GTF2F2: variants seen among roughly 807,000 people sequenced by gnomAD.
GTF2F2 encodes general transcription factor IIF subunit 2, also known as ATP-dependent helicase GTF2F2.
A neutral mutation model predicts 42.2 loss-of-function variants in GTF2F2; 23 were observed. The ratio of observed to expected loss-of-function variants is 0.55; its 90% CI spans 0.39 to 0.77. GTF2F2 has a LOEUF of 0.77. Among genes scored for constraint, GTF2F2 ranks in the 30% least tolerant of loss-of-function variants. GTF2F2 has a pLI of 0.00. For synonymous variants in GTF2F2, 105 were observed against 100.8 expected, an observed-to-expected ratio of 1.04 and a Z score of -0.25; for missense variants, 261 against 287.2, an observed-to-expected ratio of 0.91 and a Z score of 0.66.
At chr13:45,161,674 C>T (rs1593463134) in intron 4 of GTF2F2, among the ~76,000 whole-genome samples, 3 of 151,992 alleles carry the variant, frequency 2.0e-5, no homozygotes. Flanking sequence ...AAACGCCGTC[C>T]CTACCAAAAA....
chr13:45,153,438 A>C (rs1008109911), intron 4 of GTF2F2, among the ~76,000 whole-genome samples: 1 of 152,182 alleles, frequency 6.6e-6, no homozygotes, highest in African/African-American at 2.4e-5. Flanking sequence ...TCAGTTATGT[A>C]GTTGAAGGTA....
chr13:45,199,141 G>T (rs886653653), intron 4 of GTF2F2, among the ~76,000 whole-genome samples: 1 of 152,168 alleles, frequency 6.6e-6, no homozygotes, highest in Admixed American at 6.5e-5. Flanking sequence ...GTAACCTCTG[G>T]CCACAAGGTC....
intron 5 of GTF2F2, among the ~76,000 whole-genome samples, chr13:45,228,281 A>ATATTTTTTTTTTTTTTTTTTTTTTTTTTT (rs1874467229): frequency 1.2e-5 from 1 of 85,684 alleles, no homozygotes; most frequent in Non-Finnish European, 2.1e-5. Context: ...GCCAGAGTTA[A>ATATTTTTTTTTTTTTTTTTTTTTTTTTTT]TCTTTTTTTT....
chr13:45,247,029 ACT>A lies in GTF2F2; in HGVS notation c.387-5839_387-5838del, dbSNP rs111536000. On this transcript the variant is annotated intron_variant, in intron 5 of 7. Transcript: ENST00000340473. ...ACTCCAGCCTGGGCGACAGATCAAG[ACT>A]CTGTCTCAAAAAAAAAAAAAAAAAG... Among the ~76,000 whole-genome samples, 582 of 120,038 alleles carry A rather than the reference ACT, an allele frequency of 4.8e-3. 8 individuals are homozygous for A. Among genetic ancestry groups the A allele is most frequent in the African/African-American group, 0.018 (552 of 30,534 alleles). The allele number at this position is 120,038 out of a possible 152,430, so 78.7% of individuals were successfully genotyped here. A position where few individuals can be genotyped will look rare whatever the true frequency, so the allele number is the denominator to read the frequency against.
At chr13:45,134,319 A>AT (rs898927572) in intron 1 of GTF2F2, among the ~76,000 whole-genome samples, 2 of 152,022 alleles carry the variant, frequency 1.3e-5, no homozygotes, top group African/African-American at 4.8e-5. Context: ...TGAAAGACAA[A>AT]TTTTCGCTAG....
chr13:45,235,607 TGA>T (rs1429632812), intron 5 of GTF2F2, among the ~76,000 whole-genome samples: 5 of 151,890 alleles, frequency 3.3e-5, no homozygotes, highest in Non-Finnish European at 7.4e-5. Context: ...TTTTTTTTCC[TGA>T]GATAGAGTCC....
At chr13:45,199,821 G>A (rs990712583) in intron 4 of GTF2F2, among the ~76,000 whole-genome samples, 1 of 152,146 alleles carries the variant, frequency 6.6e-6, no homozygotes, top group Non-Finnish European at 1.5e-5. Context: ...GTATACTAGC[G>A]CCTGCCACTG....
Position 45,181,315 on chromosome 13 carries a change from C to A in GTF2F2, c.305-26109C>A, listed in dbSNP as rs892855755. The stretch of plus-strand genomic sequence containing the variant: ...TAAAAAAGGAAAGGGTCATACTTTT[C>A]AACTAGTGGCACCTTGAAATATATT... On this transcript the variant is annotated intron_variant, in intron 4 of 7. Coordinates refer to ENST00000340473, the MANE Select transcript of GTF2F2 (RefSeq NM_004128.3). 5.3e-4 allele frequency among the ~76,000 whole-genome samples: 80 copies of A among 151,796 alleles called. 1 individual carries two copies. The highest frequency in any genetic ancestry group is 1.9e-3 in the African/African-American group (80 of 41,362).
chr13:45,168,030 T>C (rs1296473011), intron 4 of GTF2F2, among the ~76,000 whole-genome samples: 1 of 152,260 alleles, frequency 6.6e-6, no homozygotes, highest in Non-Finnish European at 1.5e-5. Context: ...CACATTTTTT[T>C]CCTTACTGTA....
At chr13:45,127,779 C>G (rs1869103976) in intron 1 of GTF2F2, among the ~76,000 whole-genome samples, 1 of 151,592 alleles carries the variant, frequency 6.6e-6, no homozygotes, top group Non-Finnish European at 1.5e-5. Flanking sequence ...ATTACAGGCG[C>G]CTGCCACCAC....
intron 7 of GTF2F2, among the ~76,000 whole-genome samples, chr13:45,278,572 G>A (rs1218634224): frequency 2.0e-5 from 3 of 152,118 alleles, no homozygotes; most frequent in Non-Finnish European, 4.4e-5. Flanking sequence ...TCAAATACAG[G>A]TGGTTAGACA....
intron 5 of GTF2F2, among the ~76,000 whole-genome samples, chr13:45,216,687 T>C (rs1873902710): frequency 1.3e-5 from 2 of 151,820 alleles, no homozygotes; most frequent in Non-Finnish European, 2.9e-5. Flanking sequence ...CTGGCTATTT[T>C]TTTGCATTTT....
At chr13:45,211,457 C>T (rs1873638024) in intron 5 of GTF2F2, among the ~76,000 whole-genome samples, 1 of 150,136 alleles carries the variant, frequency 6.7e-6, no homozygotes, top group South Asian at 2.1e-4. Flanking sequence ...TTTTTAGAGA[C>T]AGGATCTCAC....
chr13:45,254,679 C>T (rs781445463), intron 6 of GTF2F2, among the ~76,000 whole-genome samples: 30 of 152,054 alleles, frequency 2.0e-4, no homozygotes, highest in Non-Finnish European at 4.0e-4. Context: ...TGTATGTTGC[C>T]GCTGGTGATT....
intron 4 of GTF2F2, among the ~76,000 whole-genome samples, chr13:45,203,055 T>A (rs1202357862): frequency 3.3e-5 from 5 of 152,164 alleles, no homozygotes; most frequent in Non-Finnish European, 7.4e-5. Flanking sequence ...TGACTGACCA[T>A]CTGTTTTCTT....
At chr13:45,217,227 GGT>G (rs1422157691) in intron 5 of GTF2F2, among the ~76,000 whole-genome samples, 1 of 150,976 alleles carries the variant, frequency 6.6e-6, no homozygotes, top group African/African-American at 2.4e-5. Flanking sequence ...GAACCTGGGA[GGT>G]GGAGGTTACA....
At chr13:45,271,541 C>T (rs1464165229) in intron 7 of GTF2F2, among the ~76,000 whole-genome samples, 4 of 151,682 alleles carry the variant, frequency 2.6e-5, no homozygotes, top group Non-Finnish European at 5.9e-5. Context: ...CACCACCACA[C>T]CCAGCTAATT....
Position 45,245,436 on chromosome 13 carries a change from C to T in GTF2F2, c.387-7435C>T, listed in dbSNP as rs1295122992. Among the ~76,000 whole-genome samples, 6 of 151,898 alleles carry T rather than the reference C, an allele frequency of 4.0e-5. No homozygotes were observed. In the South Asian group the frequency reaches 6.2e-4, roughly 16 times the overall value. ...CACTGTACCCAATGTATAGTCTTTA[C>T]GCCTCATCCTCCCTTTCCTTACCTC... is the stretch of plus-strand genomic sequence containing the variant. On this transcript the variant is annotated intron_variant, in intron 5 of 7. Transcript: ENST00000340473.
intron 7 of GTF2F2, among the ~76,000 whole-genome samples, chr13:45,275,908 C>T (rs1416165941): frequency 6.6e-6 from 1 of 152,196 alleles, no homozygotes; most frequent in African/African-American, 2.4e-5. Flanking sequence ...AACTAGTTTA[C>T]AGTCCCACCA....
Sources: allele counts gnomAD v4.1 joint callset (sites outside exome capture counted in the v4.1 genomes callset), GRCh38; gene constraint gnomAD v4.1.1; transcripts MANE v1.5; gene names NCBI Gene and HGNC (gene_info 2026-07-23, HGNC 2026-07-21).